Variants in NUP98 observed in about 807,000 individuals in gnomAD.
NUP98 encodes nucleoporin 98 and 96 precursor.
NUP98 carries 26 observed loss-of-function variants against 191.9 expected under a neutral mutation model. That is an observed-to-expected ratio of 0.14 (90% CI 0.10 to 0.19). NUP98 has a LOEUF of 0.19. Among genes scored for constraint, NUP98 ranks in the 10% least tolerant of loss-of-function variants. The probability of loss-of-function intolerance (pLI) is 1.00; values close to 1 mark genes in which losing one functional copy is unlikely to be tolerated. For synonymous variants in NUP98, 808 were observed against 778.4 expected (o/e 1.04, Z -0.63); for missense variants, 1,941 against 2,178.8 (o/e 0.89, Z 2.17).
chr11:3,689,791 C>A (rs2078249581), intron 28 of NUP98, among the ~76,000 whole-genome samples: 1 of 151,938 alleles, frequency 6.6e-6, no homozygotes, highest in Admixed American at 6.6e-5. Flanking sequence ...CACACTACCA[C>A]ACATGGCTAA....
intron 26 of NUP98, among the ~76,000 whole-genome samples, chr11:3,694,804 T>C (rs1265982957): frequency 6.6e-6 from 1 of 151,694 alleles, no homozygotes; most frequent in Non-Finnish European, 1.5e-5. Flanking sequence ...ATCTCAACAC[T>C]TTGGGAGACC....
intron 11 of NUP98, among the ~76,000 whole-genome samples, chr11:3,749,617 G>A (rs976463011): frequency 5.9e-5 from 9 of 151,888 alleles, no homozygotes; most frequent in South Asian, 2.1e-4. Flanking sequence ...AGAGAAACTC[G>A]GTCTCTAAAT....
At position 3,723,371 on chromosome 11, in the gene NUP98, G is replaced by C; in HGVS notation, c.1932C>G (p.Asn644Lys). 6.2e-7 allele frequency: 1 copy of C among 1,613,968 alleles called. No homozygotes were observed. Among genetic ancestry groups the C allele is most frequent in the Non-Finnish European group, 8.5e-7 (1 of 1,179,946 alleles). The change falls in exon 16 of 33, where the codon AAC (asparagine) becomes AAG (lysine). Residue 644 changes from asparagine to lysine, a missense_variant. Asn to Lys is a moderately conservative substitution (Grantham distance 94, BLOSUM62 0). Transcript: ENST00000324932. ...EDSLVSHFYT[N>K]PIAKPIPQTP... Reference sequence around the variant, plus strand: ...TTTGAGGAATAGGTTTGGCAATAGGGTTAGTATAAAAATGTGAAACAAGGG... The same window carrying C: ...TTTGAGGAATAGGTTTGGCAATAGGCTTAGTATAAAAATGTGAAACAAGGG...
intron 4 of NUP98, among the ~76,000 whole-genome samples, chr11:3,777,859 A>G (rs1308989608): frequency 2.0e-5 from 3 of 152,060 alleles, no homozygotes; most frequent in East Asian, 1.9e-4. Flanking sequence ...ATATACTGTT[A>G]TGGCTAAATA....
In NUP98 at chr11:3,762,976, T is replaced by A; in HGVS notation, c.1012A>T (p.Ser338Cys). The change falls in exon 9 of 33, where the codon AGC becomes TGC. Residue 338 changes from serine to cysteine, a missense_variant. By Grantham distance (112) the Ser-to-Cys change is moderately radical. This residue lies in a region of NUP98 where 181 missense variants were observed against 228.0 expected (regional missense o/e 0.79). Coordinates refer to ENST00000324932, the MANE Select transcript of NUP98 (RefSeq NM_016320.5). ...CCTGTTCCAAATGCTGTCCCAGTGC[T>A]GGTGTTTGTAGCTGTCCCAAAAAGA... is the stretch of plus-strand genomic sequence containing the variant. ...GGLFGTATNT[S>C]TGTAFGTGTG... 6.2e-7 allele frequency: 1 copy of A among 1,614,160 alleles called. No individual in the cohort carries two copies. The highest frequency in any genetic ancestry group is 8.5e-7 in the Non-Finnish European group (1 of 1,180,018).
At chr11:3,794,631 T>C (rs2082468080) in intron 1 of NUP98, among the ~76,000 whole-genome samples, 1 of 152,096 alleles carries the variant, frequency 6.6e-6, no homozygotes, top group Non-Finnish European at 1.5e-5. Context: ...CACGCCTTTG[T>C]TTTAAGACAG....
Position 3,682,441 on chromosome 11 carries a change from ATATT to A in NUP98, c.4918+755_4918+758del, listed in dbSNP as rs1189911739. ...GTGCTACCCTTCCTTTCACTTGAAC[ATATT>A]TAGAGGCCATTGTAGGGTTATTAAC... is the stretch of plus-strand genomic sequence containing the variant. On this transcript the variant is annotated intron_variant, in intron 30 of 32. Coordinates refer to ENST00000324932, the MANE Select transcript of NUP98 (RefSeq NM_016320.5). Among the ~76,000 whole-genome samples, 3 of 152,162 alleles carry A rather than the reference ATATT, an allele frequency of 2.0e-5. No individual in the cohort carries two copies. The East Asian group carries it at 5.8e-4, about 29-fold the overall frequency.
intron 30 of NUP98, 43 bp downstream of exon 30, chr11:3,683,157 G>A: frequency 1.9e-6 from 3 of 1,609,944 alleles, no homozygotes; most frequent in South Asian, 1.1e-5. Context: ...AGAGGTTGGA[G>A]GAATTTGGGG....
At chr11:3,688,673 T>C (rs1001424358) in intron 28 of NUP98, among the ~76,000 whole-genome samples, 2 of 150,438 alleles carry the variant, frequency 1.3e-5, no homozygotes, top group Non-Finnish European at 3.0e-5. Flanking sequence ...CGCATGCCTG[T>C]AACCCCAGCT....
At chr11:3,721,153 C>CA in intron 16 of NUP98, 1 of 162,972 alleles carries the variant, frequency 6.1e-6, no homozygotes, top group South Asian at 1.8e-4. Context: ...AAAGGACACC[C>CA]ATTAACATCC....
chr11:3,713,964 G>C lies in NUP98; in HGVS notation c.2431C>G (p.Pro811Ala), dbSNP rs745850316. The change falls in exon 19 of 33, where the codon CCA (proline) becomes GCA (alanine). Residue 811 changes from proline (P) to alanine (A), a missense_variant. Coordinates refer to ENST00000324932, the MANE Select transcript of NUP98 (RefSeq NM_016320.5). Reference sequence around the variant, plus strand: ...AAACAACGAGATGTTTTATCTGTTGGCCAAACTCCATCCAATGTAACTTCA... The same window carrying C: ...AAACAACGAGATGTTTTATCTGTTGCCCAAACTCCATCCAATGTAACTTCA... Reference protein sequence around the residue: ...KAEVTLDGVWPTDKTSRCLIK... With the variant: ...KAEVTLDGVWATDKTSRCLIK... 1 of 1,613,954 alleles carries C rather than the reference G, an allele frequency of 6.2e-7. No individual in the cohort carries two copies. The highest frequency in any genetic ancestry group is 8.5e-7 in the Non-Finnish European group (1 of 1,179,960).
intron 11 of NUP98, among the ~76,000 whole-genome samples, chr11:3,745,253 A>G (rs1376845706): frequency 2.6e-5 from 4 of 152,252 alleles, no homozygotes; most frequent in Non-Finnish European, 4.4e-5. Context: ...AACTATAGGA[A>G]AACTAAATCC....
At chr11:3,792,554 T>G (rs969219091) in intron 1 of NUP98, among the ~76,000 whole-genome samples, 1 of 152,056 alleles carries the variant, frequency 6.6e-6, no homozygotes, top group Non-Finnish European at 1.5e-5. Context: ...GAGGTTACAG[T>G]GAGCCAAGAT....
intron 5 of NUP98, among the ~76,000 whole-genome samples, chr11:3,774,401 G>C (rs544975447): frequency 9.2e-5 from 14 of 151,420 alleles, no homozygotes; most frequent in Non-Finnish European, 1.9e-4. Context: ...GACAGAGTGA[G>C]ACTCCATCTC....
chr11:3,702,639 T>C lies in NUP98; in HGVS notation c.3336A>G (p.Gly1112=), dbSNP rs371341638. 1.2e-5 allele frequency: 20 copies of C among 1,614,150 alleles called. No individual in the cohort carries two copies. Among genetic ancestry groups the C allele is most frequent in the Non-Finnish European group, 1.6e-5 (19 of 1,180,032 alleles). The change falls in exon 23 of 33, where the codon GGA becomes GGG. Residue 1112 remains glycine (G), a synonymous_variant. Coordinates refer to ENST00000324932, the MANE Select transcript of NUP98 (RefSeq NM_016320.5). ...ATAGGGCCATGTCCATCAAGAGTTTTCCCTTGCCATAGGTGACAGACTTTT... is the reference window on the plus strand; with the variant it reads ...ATAGGGCCATGTCCATCAAGAGTTTCCCCTTGCCATAGGTGACAGACTTTT... ...PREKSVTYGK[G]KLLMDMALFM...
chr11:3,772,808 G>C (rs1020107728), intron 6 of NUP98, among the ~76,000 whole-genome samples: 8 of 105,752 alleles, frequency 7.6e-5, no homozygotes, highest in African/African-American at 3.6e-4. Flanking sequence ...AGCAAGACTC[G>C]TCTCAAAAAA....
chr11:3,680,805 C>A (rs1418133880), intron 30 of NUP98, among the ~76,000 whole-genome samples: 2 of 152,174 alleles, frequency 1.3e-5, no homozygotes, highest in Non-Finnish European at 2.9e-5. Context: ...ATCTTGGCCC[C>A]CCAAAGTGCT....
At chr11:3,756,714 A>G (rs1435600279) in intron 10 of NUP98, among the ~76,000 whole-genome samples, 1 of 151,848 alleles carries the variant, frequency 6.6e-6, no homozygotes, top group Non-Finnish European at 1.5e-5. Flanking sequence ...GAATCACCAC[A>G]CTCGGCTTGT....
intron 12 of NUP98, among the ~76,000 whole-genome samples, chr11:3,738,107 A>C (rs867280202): frequency 1.4e-5 from 2 of 147,570 alleles, no homozygotes; most frequent in African/African-American, 2.4e-5. Context: ...AAAAAAAAAA[A>C]CCAAAGACTT....
Sources: allele counts gnomAD v4.1 joint callset (sites outside exome capture counted in the v4.1 genomes callset), GRCh38; gene constraint gnomAD v4.1.1; regional missense constraint gnomAD v4.1.1; transcripts MANE v1.5; gene names NCBI Gene and HGNC (gene_info 2026-07-23, HGNC 2026-07-21).